Variants in DCAF17 observed in about 807,000 individuals in gnomAD.
The protein encoded by DCAF17 is DDB1 and CUL4 associated factor 17, also known as DDB1- and CUL4-associated factor 17.
A neutral mutation model predicts 66.0 loss-of-function variants in DCAF17; 48 were observed. The ratio of observed to expected loss-of-function variants is 0.73; its 90% CI spans 0.58 to 0.92. The LOEUF (loss-of-function observed/expected upper bound fraction) is 0.92. Ranked by LOEUF, DCAF17 falls within the 40% of genes least tolerant of loss-of-function variation. The probability of loss-of-function intolerance (pLI) is 0.00; values close to 1 mark genes in which losing one functional copy is unlikely to be tolerated. For synonymous variants in DCAF17, 206 were observed against 214.6 expected (o/e 0.96, Z 0.35); for missense variants, 562 against 622.8 (o/e 0.90, Z 1.04).
chr2:171,474,319 G>A (rs890209981), intron 10 of DCAF17: 1 of 284,644 alleles, frequency 3.5e-6, no homozygotes, highest in Non-Finnish European at 6.7e-6. Flanking sequence ...ACACAGGAAA[G>A]GAAGTAGATT....
At chr2:171,461,718 G>A (rs185799264) in intron 8 of DCAF17, among the ~76,000 whole-genome samples, 20 of 152,236 alleles carry the variant, frequency 1.3e-4, no homozygotes, top group Admixed American at 1.0e-3. Context: ...TTTGAGTTTT[G>A]TCAAATGTAT....
intron 5 of DCAF17, 140 bp downstream of exon 5, chr2:171,450,097 T>C (rs1419192040): frequency 2.9e-6 from 2 of 689,988 alleles, no homozygotes; most frequent in African/African-American, 3.6e-5. Context: ...CTGGATGGGA[T>C]CGGAGACCAT....
chr2:171,459,639 T>G (rs1695461070), intron 8 of DCAF17, among the ~76,000 whole-genome samples: 2 of 152,218 alleles, frequency 1.3e-5, no homozygotes, highest in South Asian at 4.1e-4. Flanking sequence ...GATAAGAATT[T>G]TTTCTATCAT....
intron 8 of DCAF17, among the ~76,000 whole-genome samples, chr2:171,462,691 C>A (rs1695654380): frequency 6.6e-6 from 1 of 152,090 alleles, no homozygotes; most frequent in Non-Finnish European, 1.5e-5. Context: ...TTGAACCCAG[C>A]AACTTCAGTA....
chr2:171,434,786 G>T (rs936562342), intron 1 of DCAF17, 83 bp downstream of exon 1: 2 of 1,388,026 alleles, frequency 1.4e-6, no homozygotes, highest in South Asian at 1.6e-5. Context: ...GTTTTAACGC[G>T]CTGGGGCCTC....
chr2:171,439,511 C>CTTTTTTTTT (rs374646610), intron 2 of DCAF17, among the ~76,000 whole-genome samples: 1 of 94,772 alleles, frequency 1.1e-5, no homozygotes, highest in East Asian at 3.6e-4. Context: ...CTTTTTTTTC[C>CTTTTTTTTT]TTTTTTTTTT....
intron 8 of DCAF17, among the ~76,000 whole-genome samples, chr2:171,463,208 C>T (rs1211441872): frequency 1.4e-5 from 2 of 140,194 alleles, no homozygotes; most frequent in Non-Finnish European, 3.0e-5. Flanking sequence ...CCAGCCTGGG[C>T]GATGGAGCGA....
Sources: gnomAD v4.1 joint callset for allele counts (sites outside exome capture counted in the v4.1 genomes callset) on GRCh38, gnomAD v4.1.1 for gene constraint, MANE v1.5 for transcripts, NCBI Gene and HGNC (gene_info 2026-07-23, HGNC 2026-07-21) for gene names.